Variants in VOPP1 observed in about 807,000 individuals in gnomAD.
VOPP1 encodes VOPP1 WW domain binding protein.
A neutral mutation model predicts 23.5 loss-of-function variants in VOPP1; 8 were observed. The observed-to-expected ratio is 0.34, with a 90% CI of 0.20 to 0.61. The LOEUF is 0.61. Among genes scored for constraint, VOPP1 ranks in the 20% least tolerant of loss-of-function variants. The pLI, the probability that VOPP1 is intolerant of heterozygous loss-of-function variation, is 0.78. For synonymous variants in VOPP1, 83 were observed against 97.3 expected (o/e 0.85, Z 0.86); for missense variants, 174 against 238.1 (o/e 0.73, Z 1.77).
intron 1 of VOPP1, chr7:55,530,707 G>A (rs1796450543): frequency 6.6e-6 from 1 of 152,140 alleles, no homozygotes; most frequent in Non-Finnish European, 1.5e-5. Context: ...TTTATTGTAG[G>A]CATTATTTTG....
chr7:55,554,854 A>G lies in VOPP1; in HGVS notation c.54+17417T>C, dbSNP rs550468866. Among the ~76,000 whole-genome samples the G allele has an allele frequency of 2.0e-5, 3 of 152,342 alleles. No individual in the cohort carries two copies. The South Asian group carries it at 6.2e-4, about 32-fold the overall frequency. On this transcript the variant is annotated intron_variant, in intron 1 of 4. Transcript: ENST00000285279. ...ACTGTCATTGAAGATTTAGATGTAG[A>G]TGAGATTCCCCAGGATTTTTCGCAG...
At chr7:55,511,199 A>C (rs1795047358) in intron 2 of VOPP1, among the ~76,000 whole-genome samples, 2 of 152,338 alleles carry the variant, frequency 1.3e-5, no homozygotes, top group Middle Eastern at 3.4e-3. Flanking sequence ...ACTGATTAAA[A>C]TGTTAACACA....
chr7:55,500,612 C>T (rs540647798), intron 2 of VOPP1, among the ~76,000 whole-genome samples: 8 of 152,274 alleles, frequency 5.3e-5, no homozygotes, highest in African/African-American at 9.6e-5. Context: ...CAGTCTGCTA[C>T]GTTTATAGTG....
At chr7:55,539,345 C>A (rs1797004134) in intron 1 of VOPP1, 4 of 152,034 alleles carry the variant, frequency 2.6e-5, no homozygotes, top group African/African-American at 7.3e-5. Flanking sequence ...AACTTGATCC[C>A]CCCAACAATA....
At chr7:55,487,633 C>T (rs987870300) in intron 4 of VOPP1, among the ~76,000 whole-genome samples, 1 of 152,180 alleles carries the variant, frequency 6.6e-6, no homozygotes, top group African/African-American at 2.4e-5. Flanking sequence ...AGCCTCATGA[C>T]CATTTCACAA....
chr7:55,506,452 C>G (rs1348039146), intron 2 of VOPP1, among the ~76,000 whole-genome samples: 2 of 152,248 alleles, frequency 1.3e-5, no homozygotes. Context: ...TTTCCTGCCT[C>G]AGCCTCTCGA....
chr7:55,536,706 A>C lies in VOPP1; in HGVS notation c.55-15576T>G, dbSNP rs17565995. ...GTGGCAGGACTGAACAATGACACTG[A>C]TATAAAAACAACTCGTGTTCACACC... On this transcript the variant is annotated intron_variant, in intron 1 of 4. Coordinates refer to ENST00000285279, the MANE Select transcript of VOPP1 (RefSeq NM_030796.5). Among the ~76,000 whole-genome samples the C allele has an allele frequency of 1.0e-2, 1,522 of 152,262 alleles. 11 individuals carry two copies. Among genetic ancestry groups the C allele is most frequent in the Middle Eastern group, 0.031 (9 of 294 alleles).
At chr7:55,526,987 G>C (rs1171249352) in intron 1 of VOPP1, 1 of 152,252 alleles carries the variant, frequency 6.6e-6, no homozygotes, top group Non-Finnish European at 1.5e-5. Flanking sequence ...CCCAATTAGA[G>C]TGGGCTCGTT....
At position 55,486,795 on chromosome 7, in the gene VOPP1, C is replaced by T. The variant is rs541524264; in HGVS notation, c.328+5487G>A. On this transcript the variant is annotated intron_variant, in intron 4 of 4. Coordinates refer to ENST00000285279, the MANE Select transcript of VOPP1 (RefSeq NM_030796.5). ...TAATTTCTTTCAGCAAAACCATAAA[C>T]TCAAAAATCTCTATCCTGAAGGCAG... Among the ~76,000 whole-genome samples, 3 of 152,266 alleles carry T rather than the reference C, an allele frequency of 2.0e-5. No homozygotes were observed. In the South Asian group the frequency reaches 6.2e-4, roughly 32 times the overall value.
At chr7:55,506,674 T>C (rs1351742622) in intron 2 of VOPP1, among the ~76,000 whole-genome samples, 2 of 151,980 alleles carry the variant, frequency 1.3e-5, no homozygotes, top group South Asian at 2.1e-4. Flanking sequence ...GCTTCGCTCT[T>C]GTTGCCCAGG....
chr7:55,504,891 C>T (rs899027183), intron 2 of VOPP1, among the ~76,000 whole-genome samples: 19 of 152,234 alleles, frequency 1.2e-4, no homozygotes, highest in African/African-American at 4.6e-4. Context: ...AACTGTGACA[C>T]AGCCAAATCC....
chr7:55,493,807 G>C (rs1427159955), intron 3 of VOPP1, among the ~76,000 whole-genome samples: 1 of 151,200 alleles, frequency 6.6e-6, no homozygotes, highest in Non-Finnish European at 1.5e-5. Context: ...AGCGATGCAA[G>C]AAGAATACTG....
chr7:55,532,526 A>C (rs1236463050), intron 1 of VOPP1, among the ~76,000 whole-genome samples: 5 of 152,274 alleles, frequency 3.3e-5, no homozygotes. Context: ...TCTACAACGT[A>C]CTTTTGTGTC....
At chr7:55,539,102 G>T (rs1796989006) in intron 1 of VOPP1, among the ~76,000 whole-genome samples, 1 of 151,850 alleles carries the variant, frequency 6.6e-6, no homozygotes, top group Non-Finnish European at 1.5e-5. Context: ...CCAGCACTTT[G>T]GGAGGCCGAG....
intron 1 of VOPP1, among the ~76,000 whole-genome samples, chr7:55,547,474 A>G (rs1797418429): frequency 6.6e-6 from 1 of 152,216 alleles, no homozygotes; most frequent in Non-Finnish European, 1.5e-5. Flanking sequence ...CTGCATACCA[A>G]TAAACCTTGC....
chr7:55,501,971 T>A (rs1256142519), intron 2 of VOPP1, among the ~76,000 whole-genome samples: 1 of 152,214 alleles, frequency 6.6e-6, no homozygotes, highest in Non-Finnish European at 1.5e-5. Flanking sequence ...TATTAATACT[T>A]GGGTCCCTCC....
chr7:55,518,618 G>A (rs1365219649), intron 2 of VOPP1, among the ~76,000 whole-genome samples: 1 of 152,236 alleles, frequency 6.6e-6, no homozygotes, highest in African/African-American at 2.4e-5. Context: ...TACATGGGTT[G>A]GCGCTGCTGA....
intron 4 of VOPP1, among the ~76,000 whole-genome samples, chr7:55,462,266 C>A (rs1339654302): frequency 6.6e-6 from 1 of 152,024 alleles, no homozygotes; most frequent in Non-Finnish European, 1.5e-5. Context: ...TTTTAGAATT[C>A]TTTTTTTGTC....
At chr7:55,550,973 G>A (rs1170262344) in intron 1 of VOPP1, among the ~76,000 whole-genome samples, 1 of 152,216 alleles carries the variant, frequency 6.6e-6, no homozygotes, top group Non-Finnish European at 1.5e-5. Flanking sequence ...TATCTAAAAT[G>A]AGAACTAAGA....
Sources: gnomAD v4.1 joint callset for allele counts (sites outside exome capture counted in the v4.1 genomes callset) on GRCh38, gnomAD v4.1.1 for gene constraint, MANE v1.5 for transcripts, NCBI Gene and HGNC (gene_info 2026-07-23, HGNC 2026-07-21) for gene names.